The following BAG3 variants were observed in gnomAD, a reference collection of about 807,000 sequenced individuals.
BAG3 encodes BAG family molecular chaperone regulator 3.
BAG3 carries 14 observed loss-of-function variants against 40.5 expected under a neutral mutation model. That is an observed-to-expected ratio of 0.35 (90% CI 0.23 to 0.54). The LOEUF (loss-of-function observed/expected upper bound fraction) is 0.54, where lower values mean the gene tolerates loss of function less well. BAG3 is among the 20% of genes least tolerant of loss of function. The pLI, the probability that BAG3 is intolerant of heterozygous loss-of-function variation, is 0.91. For missense variants in BAG3, 788 were observed against 758.6 expected, an observed-to-expected ratio of 1.04 and a Z score of -0.46; for synonymous variants, 302 against 307.8, an observed-to-expected ratio of 0.98 and a Z score of 0.20.
At position 119,676,579 on chromosome 10, in the gene BAG3, T is replaced by C. The variant is rs749156901; in HGVS notation, c.1025T>C (p.Ile342Thr). The part of the protein sequence containing the change: ...LPPGHIPIQV[I>T]RKEVDSKPVS... ...CCTGGACACATCCCAATTCAAGTGA[T>C]CCGCAAAGAGGTGGATTCTAAACCT... The change falls in exon 4 of 4, where the codon ATC becomes ACC. Residue 342 changes from isoleucine (I) to threonine (T), a missense_variant. Transcript: ENST00000369085. 1 of 1,614,080 alleles carries C rather than the reference T, an allele frequency of 6.2e-7. No individual in the cohort carries two copies. Among genetic ancestry groups the C allele is most frequent in the Admixed American group, 1.7e-5 (1 of 60,018 alleles).
At chr10:119,655,886 C>T (rs572599269) in intron 1 of BAG3, among the ~76,000 whole-genome samples, 10 of 152,086 alleles carry the variant, frequency 6.6e-5, no homozygotes, top group Middle Eastern at 3.4e-3. Context: ...ACAGGACCTG[C>T]GGCAGCGTTT....
At chr10:119,665,144 A>T (rs375976929) in intron 1 of BAG3, among the ~76,000 whole-genome samples, 56,736 of 85,694 alleles carry the variant, frequency 0.66, 19,050 homozygotes, top group Non-Finnish European at 0.7. Context: ...ATATATATAT[A>T]TTTTTTTTTT....
chr10:119,654,343 AG>A (rs1846882483), intron 1 of BAG3, among the ~76,000 whole-genome samples: 1 of 152,230 alleles, frequency 6.6e-6, no homozygotes, highest in South Asian at 2.1e-4. Context: ...CTGTTCATTG[AG>A]CATGAGGAGC....
Position 119,651,624 on chromosome 10 carries a change from C to G in BAG3, c.-52C>G, listed in dbSNP as rs904831655. ...CGGCGGCCCGGCCAGAGACTCGGCG[C>G]CCGGAGCCAGCGCCCCGCACCCGCG... On this transcript the variant is annotated 5_prime_UTR_variant, in exon 1 of 4. Coordinates refer to ENST00000369085, the MANE Select transcript of BAG3 (RefSeq NM_004281.4). 6 of 1,451,232 alleles carry G rather than the reference C, an allele frequency of 4.1e-6. No individual in the cohort carries two copies. In the African/African-American group the frequency reaches 8.8e-5, roughly 21 times the overall value. 89.9% of individuals were successfully genotyped at this position (1,451,232 alleles called of 1,614,324 possible). A position where few individuals can be genotyped will look rare whatever the true frequency, so the allele number is the denominator to read the frequency against.
chr10:119,662,613 G>A (rs987885595), intron 1 of BAG3, among the ~76,000 whole-genome samples: 23 of 152,220 alleles, frequency 1.5e-4, no homozygotes, highest in African/African-American at 2.9e-4. Flanking sequence ...CTGCCAAGTC[G>A]GAAGTGCTAC....
chr10:119,659,916 G>A (rs1048539110), intron 1 of BAG3, among the ~76,000 whole-genome samples: 1 of 152,052 alleles, frequency 6.6e-6, no homozygotes, highest in Non-Finnish European at 1.5e-5. Flanking sequence ...AGGTGGCTCC[G>A]CTCTTTTTTT....
In BAG3 at chr10:119,675,649, C is replaced by T. The variant is rs150888745; in HGVS notation, c.910-815C>T. ...TGTAAGGAAGAAGGACCAGAGGCAG[C>T]GACTCCAAGGCTGCAACACCTGAGA... On this transcript the variant is annotated intron_variant, in intron 3 of 3. Coordinates refer to ENST00000369085, the MANE Select transcript of BAG3 (RefSeq NM_004281.4). Among the ~76,000 whole-genome samples, 35 of 152,236 alleles carry T rather than the reference C, an allele frequency of 2.3e-4. 2 individuals are homozygous for T. The highest frequency in any genetic ancestry group is 7.7e-4 in the African/African-American group (32 of 41,544).
Position 119,676,542 on chromosome 10 carries a change from C to T in BAG3, c.988C>T (p.Pro330Ser), listed in dbSNP as rs762376423. 2.9e-5 allele frequency: 47 copies of T among 1,613,916 alleles called. No individual in the cohort carries two copies. The highest frequency in any genetic ancestry group is 3.9e-5 in the Non-Finnish European group (46 of 1,180,008). Reference sequence around the variant, plus strand: ...AGAAAGTAAGCCAGGCCCAGTTGGACCAGAACTCCCTCCTGGACACATCCC... The same window carrying T: ...AGAAAGTAAGCCAGGCCCAGTTGGATCAGAACTCCCTCCTGGACACATCCC... ...KPESKPGPVGPELPPGHIPIQ... is the reference protein window; with the variant it reads ...KPESKPGPVGSELPPGHIPIQ... Residue 330 changes from proline to serine, a missense_variant, in exon 4 of 4, where the codon CCA becomes TCA. Physicochemically the swap from Pro to Ser is moderately conservative, Grantham distance 74. Coordinates refer to ENST00000369085, the MANE Select transcript of BAG3 (RefSeq NM_004281.4).
At position 119,672,160 on chromosome 10, in the gene BAG3, T is replaced by C. The variant is rs1564774349; in HGVS notation, c.508-95T>C. The C allele has an allele frequency of 2.7e-6, 4 of 1,490,584 alleles. No homozygotes were observed. Among genetic ancestry groups the C allele is most frequent in the Non-Finnish European group, 3.7e-6 (4 of 1,080,364 alleles). 92.3% of individuals were successfully genotyped at this position (1,490,584 alleles called of 1,614,324 possible). ...AGATAGGAGGTCTTACAATATGGAT[T>C]GCCCTGAGGAGGTGCACAGCAGAAG... is the stretch of plus-strand genomic sequence containing the variant. On this transcript the variant is annotated intron_variant, in intron 2 of 3. Coordinates refer to ENST00000369085, the MANE Select transcript of BAG3 (RefSeq NM_004281.4). The surrounding 1 kb of genome is among the most constrained non-coding windows in gnomAD (Gnocchi z 4.8).
chr10:119,655,216 G>A (rs1298234354), intron 1 of BAG3, among the ~76,000 whole-genome samples: 1 of 152,184 alleles, frequency 6.6e-6, no homozygotes, highest in Non-Finnish European at 1.5e-5. Context: ...TTCTGGAGGT[G>A]TGAATATGGG....
intron 2 of BAG3, among the ~76,000 whole-genome samples, chr10:119,670,932 C>T (rs1847140920): frequency 6.6e-6 from 1 of 152,210 alleles, no homozygotes; most frequent in Non-Finnish European, 1.5e-5. Flanking sequence ...TGGGCACAAA[C>T]TCCCGTGTCC....
chr10:119,675,374 AC>A (rs1325084954), intron 3 of BAG3, among the ~76,000 whole-genome samples: 2 of 152,178 alleles, frequency 1.3e-5, no homozygotes, highest in African/African-American at 4.8e-5. Context: ...GTTTATAGTC[AC>A]AGGAAAACCT....
At chr10:119,669,253 C>T (rs921037091) in intron 1 of BAG3, among the ~76,000 whole-genome samples, 6 of 152,156 alleles carry the variant, frequency 3.9e-5, no homozygotes, top group African/African-American at 1.4e-4. Flanking sequence ...ACCCTGGGTG[C>T]CCCTCTCTCC....
At chr10:119,659,020 G>T (rs1245637406) in intron 1 of BAG3, among the ~76,000 whole-genome samples, 1 of 152,172 alleles carries the variant, frequency 6.6e-6, no homozygotes, top group African/African-American at 2.4e-5. Context: ...TTTCTTAGAA[G>T]CAAGGCCTCC....
intron 1 of BAG3, among the ~76,000 whole-genome samples, chr10:119,653,053 T>G (rs1322887302): frequency 2.0e-5 from 3 of 152,276 alleles, no homozygotes; most frequent in Admixed American, 6.5e-5. Flanking sequence ...TTAAAACTGC[T>G]GTGTAACCCA....
At chr10:119,668,443 T>C (rs196323) in intron 1 of BAG3, among the ~76,000 whole-genome samples, 106,214 of 152,254 alleles carry the variant, frequency 0.7, 37,372 homozygotes, top group Middle Eastern at 0.74. Context: ...ACAGCTGCCT[T>C]CGTCAGGAAA....
intron 1 of BAG3, among the ~76,000 whole-genome samples, chr10:119,663,699 G>T (rs952624478): frequency 1.3e-5 from 2 of 152,078 alleles, no homozygotes; most frequent in African/African-American, 4.8e-5. Context: ...AGGAGTAGTC[G>T]TTTTTAGATT....
chr10:119,674,821 A>G lies in BAG3; in HGVS notation c.910-1643A>G, dbSNP rs371870039. On this transcript the variant is annotated intron_variant, in intron 3 of 3. Transcript: ENST00000369085. ...CCATCTCTACTAAAAATACAAAAAA[A>G]AAAGTTAACCAGGCATGTTGGTGGG... 3.8e-4 allele frequency among the ~76,000 whole-genome samples: 57 copies of G among 151,784 alleles called. 1 individual carries two copies. Among genetic ancestry groups the G allele is most frequent in the African/African-American group, 1.3e-3 (55 of 41,360 alleles).
In BAG3 at chr10:119,676,569, A is replaced by G. The variant is rs757353917; in HGVS notation, c.1015A>G (p.Ile339Val). 1.2e-6 allele frequency: 2 copies of G among 1,614,008 alleles called. No homozygotes were observed. The highest frequency in any genetic ancestry group is 4.5e-5 in the East Asian group (2 of 44,874). ...AGAACTCCCTCCTGGACACATCCCA[A>G]TTCAAGTGATCCGCAAAGAGGTGGA... Reference protein sequence around the residue: ...GPELPPGHIPIQVIRKEVDSK... With the variant: ...GPELPPGHIPVQVIRKEVDSK... The change falls in exon 4 of 4, where the codon ATT (isoleucine) becomes GTT (valine). Residue 339 changes from isoleucine (I) to valine (V), a missense_variant. Physicochemically the swap from Ile to Val is conservative, Grantham distance 29. Transcript: ENST00000369085.
Sources: allele counts gnomAD v4.1 joint callset (sites outside exome capture counted in the v4.1 genomes callset), GRCh38; gene constraint gnomAD v4.1.1; non-coding constraint Gnocchi (gnomAD v3.1); transcripts MANE v1.5; gene names NCBI Gene and HGNC (gene_info 2026-07-23, HGNC 2026-07-21).